Variants in TRIM13 observed in about 807,000 individuals in gnomAD.
TRIM13 encodes E3 ubiquitin-protein ligase TRIM13.
A neutral mutation model predicts 27.1 loss-of-function variants in TRIM13; 15 were observed. The ratio of observed to expected loss-of-function variants is 0.55; its 90% CI spans 0.37 to 0.85. TRIM13 has a LOEUF of 0.85. Ranked by LOEUF, TRIM13 falls within the 40% of genes least tolerant of loss-of-function variation. The pLI, the probability that TRIM13 is intolerant of heterozygous loss-of-function variation, is 0.00. For synonymous variants in TRIM13, 193 were observed against 171.5 expected (o/e 1.13, Z -0.98); for missense variants, 402 against 472.2 (o/e 0.85, Z 1.38).
At chr13:50,011,865 T>C in intron 1 of TRIM13, 70 bp from the exon 2 acceptor site, 1 of 1,468,766 alleles carries the variant, frequency 6.8e-7, no homozygotes, top group Non-Finnish European at 9.1e-7. Flanking sequence ...AAGGCAGATT[T>C]CTTCTAATTA....
rs1876742629 is a variant in TRIM13 at position 50,017,411 on chromosome 13, C to G, written c.*4247C>G. On this transcript the variant is annotated 3_prime_UTR_variant, in exon 2 of 2. Transcript: ENST00000378182. ...TTTCCTTGAAAAACATGATTAAAAA[C>G]TAAAACTGGGATGTTCCTGTGTGTA... The G allele has an allele frequency of 1.8e-5, 3 of 167,064 alleles. No individual in the cohort carries two copies. The Admixed American group carries it at 2.0e-4, about 11-fold the overall frequency. 10.3% of individuals were successfully genotyped at this position (167,064 alleles called of 1,614,324 possible).
intron 1 of TRIM13, among the ~76,000 whole-genome samples, chr13:50,002,253 G>A (rs1484718814): frequency 2.0e-5 from 3 of 152,088 alleles, no homozygotes; most frequent in Admixed American, 2.0e-4. Context: ...GCCTGACGTG[G>A]TGGCAGGCAC....
intron 1 of TRIM13, 42 bp from the exon 2 acceptor site, chr13:50,011,893 T>G (rs920567354): frequency 1.9e-6 from 3 of 1,542,832 alleles, no homozygotes; most frequent in Non-Finnish European, 2.6e-6. Flanking sequence ...GTCCTAGTGG[T>G]GACGGTTATT....
chr13:50,012,691 C>T lies in TRIM13; in HGVS notation c.751C>T (p.Gln251Ter). ...DVSEPIVFLQ[Q>*]MQEFREKIKV... is the part of the protein sequence containing the mutation. ...GTCAGAACCCATTGTATTTCTGCAACAGATGCAGGAGTTTAGAGAGAAAAT... is the reference window on the plus strand; with the variant it reads ...GTCAGAACCCATTGTATTTCTGCAATAGATGCAGGAGTTTAGAGAGAAAAT... The change falls in exon 2 of 2, where the codon CAG becomes TAG. Residue 251 changes from glutamine to a stop codon, truncating the protein, a stop_gained. Coordinates refer to ENST00000378182, the MANE Select transcript of TRIM13 (RefSeq NM_213590.3). LOFTEE classifies it high-confidence loss of function. 6.2e-7 allele frequency: 1 copy of T among 1,614,122 alleles called. No individual in the cohort carries two copies. The highest frequency in any genetic ancestry group is 8.5e-7 in the Non-Finnish European group (1 of 1,180,002).
At chr13:50,010,040 C>CT (rs760914119) in intron 1 of TRIM13, among the ~76,000 whole-genome samples, 4,008 of 116,962 alleles carry the variant, frequency 0.034, 103 homozygotes, top group African/African-American at 0.063. Flanking sequence ...GTAATTTAAT[C>CT]TTTTTTTTTT....
chr13:50,009,685 C>T (rs1301557555), intron 1 of TRIM13, among the ~76,000 whole-genome samples: 5 of 133,640 alleles, frequency 3.7e-5, no homozygotes, highest in Non-Finnish European at 7.7e-5. Flanking sequence ...TGCAGTGAGC[C>T]AAGATAGCAC....
Position 50,016,265 on chromosome 13 carries a change from CTAT to C in TRIM13, c.*3107_*3109del, listed in dbSNP as rs1316447049. ...GGGATACTTTTTAGAGTGAAAGGGG[CTAT>C]TATTAGGTGGGACAAAAGGAATAAA... On this transcript the variant is annotated 3_prime_UTR_variant, in exon 2 of 2. Transcript: ENST00000378182. 6 of 546,564 alleles carry C rather than the reference CTAT, an allele frequency of 1.1e-5. No homozygotes were observed. Among genetic ancestry groups the C allele is most frequent in the African/African-American group, 3.8e-5 (2 of 52,496 alleles). 33.9% of individuals were successfully genotyped at this position (546,564 alleles called of 1,614,324 possible).
At chr13:50,011,848 T>C (rs550452291) in intron 1 of TRIM13, 87 bp from the exon 2 acceptor site, 2 of 1,434,942 alleles carry the variant, frequency 1.4e-6, no homozygotes, top group Non-Finnish European at 1.9e-6. Context: ...AAAATCATTT[T>C]AACGTGAAGG....
Position 50,008,247 on chromosome 13 carries a change from A to G in TRIM13, c.-6-3688A>G, listed in dbSNP as rs200251059. On this transcript the variant is annotated intron_variant, in intron 1 of 1. Coordinates refer to ENST00000378182, the MANE Select transcript of TRIM13 (RefSeq NM_213590.3). ...TCATAGATGGCCTACCGATTAAGTC[A>G]TATGTTATTGTTGATAATGTGATAT... Among the ~76,000 whole-genome samples the G allele has an allele frequency of 6.6e-5, 10 of 152,154 alleles. No individual in the cohort carries two copies. The East Asian group carries it at 1.5e-3, about 23-fold the overall frequency.
At chr13:50,001,209 T>G (rs1035728098) in intron 1 of TRIM13, 2 of 149,208 alleles carry the variant, frequency 1.3e-5, no homozygotes, top group Non-Finnish European at 2.9e-5. Flanking sequence ...GAGAATCACT[T>G]GAACCCAGGA....
intron 1 of TRIM13, among the ~76,000 whole-genome samples, chr13:50,009,751 A>AAAAAAAAC (rs1566438891): frequency 7.0e-6 from 1 of 142,498 alleles, no homozygotes; most frequent in Non-Finnish European, 1.5e-5. Flanking sequence ...AAAAAAAAAA[A>AAAAAAAAC]AAAAAAACAA....
chr13:50,011,796 AC>A, intron 1 of TRIM13, 138 bp from the exon 2 acceptor site: 2 of 1,053,816 alleles, frequency 1.9e-6, no homozygotes, highest in South Asian at 3.4e-5. Context: ...GCATTCCCTT[AC>A]CAAATTTCTC....
rs1455781846 is a variant in TRIM13 at position 50,015,144 on chromosome 13, T to C, written c.*1980T>C. Reference sequence around the variant, plus strand: ...ATATATATATATATATATATATATATATATATAGTTTTACTAGGTTTTCAT... The same window carrying C: ...ATATATATATATATATATATATATACATATATAGTTTTACTAGGTTTTCAT... On this transcript the variant is annotated 3_prime_UTR_variant, in exon 2 of 2. Transcript: ENST00000378182. 1 of 121,252 alleles carries C rather than the reference T, an allele frequency of 8.2e-6. No individual in the cohort carries two copies. Among genetic ancestry groups the C allele is most frequent in the African/African-American group, 3.6e-5 (1 of 27,714 alleles). 7.5% of individuals were successfully genotyped at this position (121,252 alleles called of 1,614,324 possible).
At position 50,016,291 on chromosome 13, in the gene TRIM13, AAATG is replaced by A; in HGVS notation, c.*3130_*3133del. 1 of 471,466 alleles carries A rather than the reference AAATG, an allele frequency of 2.1e-6. No homozygotes were observed. The highest frequency in any genetic ancestry group is 3.9e-6 in the Non-Finnish European group (1 of 257,814). 29.2% of individuals were successfully genotyped at this position (471,466 alleles called of 1,614,324 possible). On this transcript the variant is annotated 3_prime_UTR_variant, in exon 2 of 2. Coordinates refer to ENST00000378182, the MANE Select transcript of TRIM13 (RefSeq NM_213590.3). ...TATTATTAGGTGGGACAAAAGGAAT[AAATG>A]AAGACTGCCCAGAAAAAACTGAGAC...
chr13:50,006,756 G>GCT (rs1361000849), intron 1 of TRIM13, among the ~76,000 whole-genome samples: 3 of 152,026 alleles, frequency 2.0e-5, no homozygotes, highest in Admixed American at 2.0e-4. Flanking sequence ...ATATCACAAA[G>GCT]GATTTTTCAG....
At chr13:50,005,318 A>G (rs1430294397) in intron 1 of TRIM13, among the ~76,000 whole-genome samples, 2 of 152,126 alleles carry the variant, frequency 1.3e-5, no homozygotes, top group Admixed American at 1.3e-4. Flanking sequence ...TTCTTGGATC[A>G]GGTATTAGTC....
At chr13:50,010,405 T>C (rs1253100877) in intron 1 of TRIM13, among the ~76,000 whole-genome samples, 2 of 152,198 alleles carry the variant, frequency 1.3e-5, no homozygotes, top group South Asian at 2.1e-4. Context: ...AGTTTCTTTG[T>C]TGGAGTATGG....
rs1004785262 is a variant in TRIM13, at chr13:50,017,840, G to A, written c.*4676G>A. ...TATCTGTCTATTCAGATATTTTTTG[G>A]TAGGTTTGGAAAATGGAGAAGTGAG... On this transcript the variant is annotated 3_prime_UTR_variant, in exon 2 of 2. Coordinates refer to ENST00000378182, the MANE Select transcript of TRIM13 (RefSeq NM_213590.3). The A allele has an allele frequency of 2.4e-5, 4 of 166,946 alleles. No individual in the cohort carries two copies. The highest frequency in any genetic ancestry group is 9.7e-5 in the African/African-American group (4 of 41,426). The allele number at this position is 166,946 out of a possible 1,614,324, so 10.3% of individuals were successfully genotyped here. A position where few individuals can be genotyped will look rare whatever the true frequency, so the allele number is the denominator to read the frequency against.
chr13:50,002,627 C>T (rs901770580), intron 1 of TRIM13, among the ~76,000 whole-genome samples: 2 of 151,506 alleles, frequency 1.3e-5, no homozygotes, highest in Admixed American at 6.6e-5. Context: ...TAGACCCTTA[C>T]TTAGTTTCAA....
Sources: gnomAD v4.1 joint callset for allele counts (sites outside exome capture counted in the v4.1 genomes callset) on GRCh38, gnomAD v4.1.1 for gene constraint, MANE v1.5 for transcripts, NCBI Gene and HGNC (gene_info 2026-07-23, HGNC 2026-07-21) for gene names.